Variants in WDSUB1 observed in about 807,000 individuals in gnomAD.
WDSUB1 encodes WD repeat, sterile alpha motif and U-box domain containing 1.
A neutral mutation model predicts 53.9 loss-of-function variants in WDSUB1; 49 were observed. That is an observed-to-expected ratio of 0.91 (90% CI 0.72 to 1.15). The LOEUF (loss-of-function observed/expected upper bound fraction) is 1.15, where lower values mean the gene tolerates loss of function less well. Among genes scored for constraint, WDSUB1 ranks in the 50% most tolerant of loss-of-function variants. The pLI is 0.00. For missense variants in WDSUB1, 514 were observed against 562.0 expected (o/e 0.91, Z 0.86); for synonymous variants, 194 against 200.6 (o/e 0.97, Z 0.28).
At chr2:159,236,432 T>C (rs550281195) in intron 10 of WDSUB1, among the ~76,000 whole-genome samples, 9 of 152,230 alleles carry the variant, frequency 5.9e-5, no homozygotes, top group Non-Finnish European at 5.9e-5. Context: ...CTTTGAACAG[T>C]ACCACTGAGA....
At chr2:159,238,417 T>C (rs963279304) in intron 10 of WDSUB1, among the ~76,000 whole-genome samples, 3 of 152,174 alleles carry the variant, frequency 2.0e-5, no homozygotes, top group African/African-American at 7.2e-5. Flanking sequence ...CCGGAATAGC[T>C]GGGACTCCAG....
intron 9 of WDSUB1, among the ~76,000 whole-genome samples, chr2:159,252,640 A>T (rs1209011601): frequency 6.6e-6 from 1 of 152,220 alleles, no homozygotes; most frequent in African/African-American, 2.4e-5. Context: ...AACAACAACA[A>T]AAAAACTGTA....
chr2:159,270,986 C>T (rs1267178233), intron 5 of WDSUB1, among the ~76,000 whole-genome samples: 2 of 152,192 alleles, frequency 1.3e-5, no homozygotes, highest in African/African-American at 2.4e-5. Flanking sequence ...GTTCCAACCA[C>T]TTTGTTCTGG....
At chr2:159,249,155 T>A (rs892274095) in intron 9 of WDSUB1, among the ~76,000 whole-genome samples, 3 of 152,176 alleles carry the variant, frequency 2.0e-5, no homozygotes, top group Non-Finnish European at 4.4e-5. Context: ...CAACAAAAAA[T>A]TTCCTAAAAA....
chr2:159,278,834 G>C (rs1034892248), intron 3 of WDSUB1, among the ~76,000 whole-genome samples: 2 of 152,120 alleles, frequency 1.3e-5, no homozygotes, highest in African/African-American at 4.8e-5. Context: ...CTTGAAAAGG[G>C]GGGAAATACC....
intron 5 of WDSUB1, among the ~76,000 whole-genome samples, chr2:159,261,892 ATATATTTTTTTTTTTTTTTTT>A (rs1558856745): frequency 1.4e-3 from 18 of 13,198 alleles, no homozygotes; most frequent in Admixed American, 2.7e-3. Context: ...ATATATATAT[ATATATTTTTTTTTTTTTTTTT>A]TTTTTTTTTT....
intron 4 of WDSUB1, among the ~76,000 whole-genome samples, chr2:159,272,132 C>A (rs962136972): frequency 9.9e-5 from 15 of 152,194 alleles, no homozygotes; most frequent in South Asian, 2.1e-4. Context: ...CAGCCCGCTG[C>A]GTACATACAG....
At chr2:159,284,756 T>C (rs1037773606) in intron 1 of WDSUB1, among the ~76,000 whole-genome samples, 7 of 152,214 alleles carry the variant, frequency 4.6e-5, no homozygotes, top group African/African-American at 1.7e-4. Flanking sequence ...CAAAATCCTA[T>C]ACAGTCTTAT....
rs766216866 is a variant in WDSUB1 at position 159,257,961 on chromosome 2, A to G, written c.829T>C (p.Leu277=). 13 of 1,613,500 alleles carry G rather than the reference A, an allele frequency of 8.1e-6. No homozygotes were observed. The highest frequency in any genetic ancestry group is 2.2e-5 in the East Asian group (1 of 44,860). ...AGTTCAGACCTGGTGTGCTGAGTCA[A>G]TGTGTGAAGTATATTCTCAGTATTC... ...DTNTENILHT[L]TQHTRYVTTC... is the part of the protein sequence containing the mutation. The change falls in exon 7 of 11, where the codon TTG becomes CTG. Residue 277 remains leucine (L), a synonymous_variant. Transcript: ENST00000359774.
Position 159,282,888 on chromosome 2 carries a change from C to G in WDSUB1, c.182G>C (p.Cys61Ser). The G allele has an allele frequency of 6.2e-7, 1 of 1,614,150 alleles. No homozygotes were observed. The highest frequency in any genetic ancestry group is 8.5e-7 in the Non-Finnish European group (1 of 1,180,030). The change falls in exon 2 of 11, where the codon TGT becomes TCT. Residue 61 changes from cysteine (C) to serine (S), a missense_variant. Coordinates refer to ENST00000359774, the MANE Select transcript of WDSUB1 (RefSeq NM_001128212.3). The stretch of plus-strand genomic sequence containing the variant: ...CAAAATATGTCCTGAAGGGGAGAAA[C>G]AGCAGCAGTGGACAGCATAGGTATG... ...KFHTYAVHCC[C>S]FSPSGHILAS...
intron 10 of WDSUB1, among the ~76,000 whole-genome samples, chr2:159,244,386 TAAAAAA>T (rs11437326): frequency 3.4e-5 from 4 of 118,080 alleles, no homozygotes; most frequent in Non-Finnish European, 7.9e-5. Context: ...TAACTGCTGA[TAAAAAA>T]AAAAAAAAAG....
At position 159,282,724 on chromosome 2, in the gene WDSUB1, C is replaced by T. The variant is rs2061691934; in HGVS notation, c.346G>A (p.Ala116Thr). ...CACAAAACCACAGTTCCATCAGCTG[C>T]CCCTGATGCCAAACACGTGGAGTCT... is the stretch of plus-strand genomic sequence containing the variant. ...SPDSTCLASG[A>T]ADGTVVLWNA... The change falls in exon 2 of 11, where the codon GCA becomes ACA. Residue 116 changes from alanine (A) to threonine (T), a missense_variant. Ala to Thr is a moderately conservative substitution (Grantham distance 58). Coordinates refer to ENST00000359774, the MANE Select transcript of WDSUB1 (RefSeq NM_001128212.3). 6.2e-7 allele frequency: 1 copy of T among 1,614,062 alleles called. No homozygotes were observed. Among genetic ancestry groups the T allele is most frequent in the Non-Finnish European group, 8.5e-7 (1 of 1,179,946 alleles).
chr2:159,256,857 T>C (rs2151089085), intron 8 of WDSUB1, among the ~76,000 whole-genome samples: 1 of 152,244 alleles, frequency 6.6e-6, no homozygotes, highest in Admixed American at 6.5e-5. Flanking sequence ...TGTCCTGAGG[T>C]TATATTTACC....
At position 159,236,887 on chromosome 2, in the gene WDSUB1, C is replaced by A. The variant is rs189918191; in HGVS notation, c.1274-697G>T. Among the ~76,000 whole-genome samples the A allele has an allele frequency of 2.2e-3, 342 of 152,280 alleles. 2 individuals carry two copies. The highest frequency in any genetic ancestry group is 7.8e-3 in the African/African-American group (325 of 41,554). ...TCACCCACCTTGGCCTCCCAAAGTG[C>A]TGGGATTACAGGCATGAGCCACCAT... On this transcript the variant is annotated intron_variant, in intron 10 of 10. Transcript: ENST00000359774.
At chr2:159,278,930 GC>G (rs1237001097) in intron 3 of WDSUB1, among the ~76,000 whole-genome samples, 1 of 152,138 alleles carries the variant, frequency 6.6e-6, no homozygotes, top group African/African-American at 2.4e-5. Context: ...TTGAAATGCA[GC>G]TAGTCCAAAT....
At chr2:159,285,471 C>T (rs1445642807) in intron 1 of WDSUB1, among the ~76,000 whole-genome samples, 1 of 151,958 alleles carries the variant, frequency 6.6e-6, no homozygotes, top group Admixed American at 6.6e-5. Context: ...TTTGGGAGGC[C>T]GAGATGGGTG....
chr2:159,280,690 C>CAAAAAAAAAAAAAAAAA (rs58584838), intron 2 of WDSUB1, among the ~76,000 whole-genome samples: 7 of 59,582 alleles, frequency 1.2e-4, no homozygotes, highest in Admixed American at 2.3e-4. Flanking sequence ...GACTCCGTCT[C>CAAAAAAAAAAAAAAAAA]AAAAAAAAAA....
chr2:159,284,906 T>C (rs966897706), intron 1 of WDSUB1, among the ~76,000 whole-genome samples: 1 of 152,220 alleles, frequency 6.6e-6, no homozygotes, highest in African/African-American at 2.4e-5. Flanking sequence ...GAAATGTTCT[T>C]GCCTCTGCTC....
At chr2:159,239,361 A>T (rs35154624) in intron 10 of WDSUB1, among the ~76,000 whole-genome samples, 53,474 of 147,150 alleles carry the variant, frequency 0.36, 12,391 homozygotes, top group Non-Finnish European at 0.54. Context: ...CTATTCAGTT[A>T]TAACTTTTAA....
Sources: gnomAD v4.1 joint callset for allele counts (sites outside exome capture counted in the v4.1 genomes callset) on GRCh38, gnomAD v4.1.1 for gene constraint, MANE v1.5 for transcripts, NCBI Gene and HGNC (gene_info 2026-07-23, HGNC 2026-07-21) for gene names.